The following ZNF26 variants were observed in gnomAD, a reference collection of about 807,000 sequenced individuals.
The protein encoded by ZNF26 is zinc finger protein 26.
ZNF26 carries 32 observed loss-of-function variants against 54.9 expected under a neutral mutation model. The observed-to-expected ratio is 0.58, with a 90% CI of 0.44 to 0.78. ZNF26 has a LOEUF of 0.78. Among genes scored for constraint, ZNF26 ranks in the 30% least tolerant of loss-of-function variants. ZNF26 has a pLI of 0.00. For missense variants in ZNF26, 524 were observed against 634.0 expected, an observed-to-expected ratio of 0.83 and a Z score of 1.86; for synonymous variants, 221 against 209.2, an observed-to-expected ratio of 1.06 and a Z score of -0.49.
rs1953575631 is a variant in ZNF26 at position 133,017,012 on chromosome 12, T to A, written c.*5531T>A. ...AGAAAATATCTACCTAGAAGGGTTATTCACAAACCAGGGTGAAATAATGTC... is the reference window on the plus strand; with the variant it reads ...AGAAAATATCTACCTAGAAGGGTTAATCACAAACCAGGGTGAAATAATGTC... On this transcript the variant is annotated 3_prime_UTR_variant, in exon 4 of 4. Transcript: ENST00000328654. 6.6e-6 allele frequency: 1 copy of A among 152,156 alleles called. No homozygotes were observed. The highest frequency in any genetic ancestry group is 2.4e-5 in the African/African-American group (1 of 41,446). The allele number at this position is 152,156 out of a possible 1,614,324, so 9.4% of individuals were successfully genotyped here. A position where few individuals can be genotyped will look rare whatever the true frequency, so the allele number is the denominator to read the frequency against.
rs906859278 is a variant in ZNF26 at position 133,012,636 on chromosome 12, A to T, written c.*1155A>T. The T allele has an allele frequency of 9.2e-6, 1 of 108,602 alleles. No homozygotes were observed. The highest frequency in any genetic ancestry group is 3.1e-4 in the South Asian group (1 of 3,248). 6.7% of individuals were successfully genotyped at this position (108,602 alleles called of 1,614,324 possible). On this transcript the variant is annotated 3_prime_UTR_variant, in exon 4 of 4. Transcript: ENST00000328654. ...AGACTAAGTTTCACTCTTGTCCTCC[A>T]GGCTGGAATGCAATGGCATGATCTC...
rs1435160034 is a variant in ZNF26, at chr12:133,016,690, A to T, written c.*5209A>T. On this transcript the variant is annotated 3_prime_UTR_variant, in exon 4 of 4. Coordinates refer to ENST00000328654, the MANE Select transcript of ZNF26 (RefSeq NM_019591.4). ...CAGCTACTCTGGAGGCTGAGGCAGG[A>T]GGATTGCTTGAGCCCAGGAGGTTGA... The T allele has an allele frequency of 6.6e-6, 1 of 151,512 alleles. No homozygotes were observed. The highest frequency in any genetic ancestry group is 2.4e-5 in the African/African-American group (1 of 41,192). The allele number at this position is 151,512 out of a possible 1,614,324, so 9.4% of individuals were successfully genotyped here.
Position 133,010,195 on chromosome 12 carries a change from T to G in ZNF26, c.316T>G (p.Tyr106Asp). 19 of 1,613,182 alleles carry G rather than the reference T, an allele frequency of 1.2e-5. No homozygotes were observed. The highest frequency in any genetic ancestry group is 1.6e-5 in the Non-Finnish European group (19 of 1,179,804). ...QDELESIERSYACSVLGRLNL... is the reference protein window; with the variant it reads ...QDELESIERSDACSVLGRLNL... Reference sequence around the variant, plus strand: ...TGAGCTTGAGAGTATTGAAAGAAGCTATGCTTGTAGTGTGTTGGGAAGACT... The same window carrying G: ...TGAGCTTGAGAGTATTGAAAGAAGCGATGCTTGTAGTGTGTTGGGAAGACT... Residue 106 changes from tyrosine (Y) to aspartate (D), a missense_variant, in exon 4 of 4, where the codon TAT becomes GAT. Coordinates refer to ENST00000328654, the MANE Select transcript of ZNF26 (RefSeq NM_019591.4).
intron 1 of ZNF26, among the ~76,000 whole-genome samples, chr12:132,996,916 TG>T (rs1953097577): frequency 2.0e-5 from 3 of 152,202 alleles, no homozygotes; most frequent in Non-Finnish European, 2.9e-5. Flanking sequence ...TGTTTTGTTT[TG>T]TTTTCTTAGA....
At chr12:133,007,606 AGT>A in intron 3 of ZNF26, 74 bp downstream of exon 3, 1 of 1,046,900 alleles carries the variant, frequency 9.6e-7, no homozygotes, top group Non-Finnish European at 1.4e-6. Context: ...GGGCACTCAC[AGT>A]GTTGTCTTCA....
chr12:133,000,107 C>A (rs1351762509), intron 1 of ZNF26, among the ~76,000 whole-genome samples: 1 of 152,112 alleles, frequency 6.6e-6, no homozygotes, highest in African/African-American at 2.4e-5. Flanking sequence ...AACTGTTTAT[C>A]ATAATCTCTT....
In ZNF26 at chr12:133,010,663, G is replaced by C; in HGVS notation, c.784G>C (p.Glu262Gln). The C allele has an allele frequency of 6.2e-7, 1 of 1,614,176 alleles. No homozygotes were observed. Among genetic ancestry groups the C allele is most frequent in the Non-Finnish European group, 8.5e-7 (1 of 1,180,048 alleles). ...HTGGKPYGCS[E>Q]CGKAYSWKSQ... Reference sequence around the variant, plus strand: ...AGGAGGGAAACCCTATGGCTGCAGTGAATGTGGGAAAGCCTACAGTTGGAA... The same window carrying C: ...AGGAGGGAAACCCTATGGCTGCAGTCAATGTGGGAAAGCCTACAGTTGGAA... The change falls in exon 4 of 4, where the codon GAA becomes CAA. Residue 262 changes from glutamate (E) to glutamine (Q), a missense_variant. Transcript: ENST00000328654.
Position 132,987,863 on chromosome 12 carries a change from C to G in ZNF26, c.33+990C>G, listed in dbSNP as rs1017253673. The G allele has an allele frequency of 8.9e-5, 30 of 337,270 alleles. No homozygotes were observed. The Admixed American group carries it at 1.7e-3, about 20-fold the overall frequency. The allele number at this position is 337,270 out of a possible 1,614,324, so 20.9% of individuals were successfully genotyped here. Reference sequence around the variant, plus strand: ...GAAAGTTAGGAGTGGATTTCTCCCCCTGTGAGTTTGTTCCTTTGTCAGAGA... The same window carrying G: ...GAAAGTTAGGAGTGGATTTCTCCCCGTGTGAGTTTGTTCCTTTGTCAGAGA... On this transcript the variant is annotated intron_variant, in intron 1 of 3. Coordinates refer to ENST00000328654, the MANE Select transcript of ZNF26 (RefSeq NM_019591.4).
intron 1 of ZNF26, among the ~76,000 whole-genome samples, chr12:132,999,985 TTG>T (rs1953175828): frequency 6.6e-6 from 1 of 152,134 alleles, no homozygotes; most frequent in Admixed American, 6.6e-5. Context: ...GGTTCTCTTT[TTG>T]TGTGTCACCA....
At chr12:132,997,770 G>T (rs1197515890) in intron 1 of ZNF26, among the ~76,000 whole-genome samples, 1 of 152,190 alleles carries the variant, frequency 6.6e-6, no homozygotes, top group African/African-American at 2.4e-5. Flanking sequence ...TTGAATAATA[G>T]AAATAGAATG....
At chr12:132,988,621 T>C (rs1365869109) in intron 1 of ZNF26, among the ~76,000 whole-genome samples, 3 of 152,298 alleles carry the variant, frequency 2.0e-5, no homozygotes, top group African/African-American at 7.2e-5. Context: ...AATCTAAGTC[T>C]TTTGTCTGTC....
chr12:133,008,067 AAC>A (rs1953372579), intron 3 of ZNF26, among the ~76,000 whole-genome samples: 1 of 151,928 alleles, frequency 6.6e-6, no homozygotes, highest in African/African-American at 2.4e-5. Context: ...CGAATGTTGT[AAC>A]TGTCGAAAGG....
In ZNF26 at chr12:133,017,534, G is replaced by A. The variant is rs1024876432; in HGVS notation, c.*6053G>A. 37 of 152,164 alleles carry A rather than the reference G, an allele frequency of 2.4e-4. No homozygotes were observed. Among genetic ancestry groups the A allele is most frequent in the African/African-American group, 7.7e-4 (32 of 41,420 alleles). 9.4% of individuals were successfully genotyped at this position (152,164 alleles called of 1,614,324 possible). On this transcript the variant is annotated 3_prime_UTR_variant, in exon 4 of 4. Coordinates refer to ENST00000328654, the MANE Select transcript of ZNF26 (RefSeq NM_019591.4). ...GGTCCAAGAGCCAAGGAGTGGGAACGGGATCAGCTCCACTTAACATCATTT... is the reference window on the plus strand; with the variant it reads ...GGTCCAAGAGCCAAGGAGTGGGAACAGGATCAGCTCCACTTAACATCATTT...
intron 3 of ZNF26, among the ~76,000 whole-genome samples, chr12:133,008,092 G>A (rs1028801086): frequency 2.6e-5 from 4 of 151,970 alleles, no homozygotes; most frequent in African/African-American, 7.3e-5. Context: ...CTTCCGTTCC[G>A]AAGGTTTACG....
chr12:133,004,061 T>C (rs1953275197), intron 1 of ZNF26, among the ~76,000 whole-genome samples: 1 of 152,230 alleles, frequency 6.6e-6, no homozygotes, highest in African/African-American at 2.4e-5. Context: ...TTGGTGTATC[T>C]CATAAGTTTC....
At chr12:132,989,010 C>A (rs1952888893) in intron 1 of ZNF26, among the ~76,000 whole-genome samples, 1 of 145,994 alleles carries the variant, frequency 6.8e-6, no homozygotes, top group Non-Finnish European at 1.5e-5. Context: ...TCATGTAGTT[C>A]CAGGAGTCTT....
Position 133,011,521 on chromosome 12 carries a change from A to G in ZNF26, c.*40A>G. 6.6e-7 allele frequency: 1 copy of G among 1,509,846 alleles called. No homozygotes were observed. The highest frequency in any genetic ancestry group is 1.4e-5 in the South Asian group (1 of 71,462). 93.5% of individuals were successfully genotyped at this position (1,509,846 alleles called of 1,614,324 possible). A position where few individuals can be genotyped will look rare whatever the true frequency, so the allele number is the denominator to read the frequency against. On this transcript the variant is annotated 3_prime_UTR_variant, in exon 4 of 4. Coordinates refer to ENST00000328654, the MANE Select transcript of ZNF26 (RefSeq NM_019591.4). ...GCAATGTGAGAAACTGATGTTCAGG[A>G]GACTTCGGATAATATAGACAGGATT...
chr12:133,024,875 T>A lies in ZNF26; in HGVS notation c.*13394T>A, dbSNP rs1359246721. On this transcript the variant is annotated 3_prime_UTR_variant, in exon 4 of 4. Transcript: ENST00000328654. Reference sequence around the variant, plus strand: ...TCTAATGGAATGGGTTGTACACAGATAGCTAAAAATCCCACACGTTCTTAA... The same window carrying A: ...TCTAATGGAATGGGTTGTACACAGAAAGCTAAAAATCCCACACGTTCTTAA... 6.6e-6 allele frequency: 1 copy of A among 152,122 alleles called. No individual in the cohort carries two copies. Among genetic ancestry groups the A allele is most frequent in the Non-Finnish European group, 1.5e-5 (1 of 68,024 alleles). The allele number at this position is 152,122 out of a possible 1,614,324, so 9.4% of individuals were successfully genotyped here. A position where few individuals can be genotyped will look rare whatever the true frequency, so the allele number is the denominator to read the frequency against.
Position 133,019,698 on chromosome 12 carries a change from C to G in ZNF26, c.*8217C>G, listed in dbSNP as rs1396208126. The G allele has an allele frequency of 6.6e-6, 1 of 152,244 alleles. No individual in the cohort carries two copies. The highest frequency in any genetic ancestry group is 1.5e-5 in the Non-Finnish European group (1 of 68,120). 9.4% of individuals were successfully genotyped at this position (152,244 alleles called of 1,614,324 possible). On this transcript the variant is annotated 3_prime_UTR_variant, in exon 4 of 4. Coordinates refer to ENST00000328654, the MANE Select transcript of ZNF26 (RefSeq NM_019591.4). ...ACTGAAAATAGAACTATTATACGAT[C>G]CAGCAACCCCACTACTGGGTGAAAA... is the stretch of plus-strand genomic sequence containing the variant.
Sources: gnomAD v4.1 joint callset for allele counts (sites outside exome capture counted in the v4.1 genomes callset) on GRCh38, gnomAD v4.1.1 for gene constraint, MANE v1.5 for transcripts, NCBI Gene and HGNC (gene_info 2026-07-23, HGNC 2026-07-21) for gene names.